ATP6V0E1: variants seen among roughly 807,000 people sequenced by gnomAD.
ATP6V0E1 encodes V-type proton ATPase subunit e 1.
In ATP6V0E1, 4 loss-of-function variants were observed where a neutral mutation model predicts 11.6. That is an observed-to-expected ratio of 0.35 (90% confidence interval 0.17 to 0.79). The LOEUF is 0.79. Among genes scored for constraint, ATP6V0E1 ranks in the 30% least tolerant of loss-of-function variants. The pLI, the probability that ATP6V0E1 is intolerant of heterozygous loss-of-function variation, is 0.54. For missense variants in ATP6V0E1, 105 were observed against 100.0 expected, an observed-to-expected ratio of 1.05 and a Z score of -0.21; for synonymous variants, 36 against 34.8, an observed-to-expected ratio of 1.04 and a Z score of -0.13.
rs551242572 is a variant in ATP6V0E1, at chr5:173,005,233, T to C, written c.152+10411T>C. 1.7e-4 allele frequency among the ~76,000 whole-genome samples: 26 copies of C among 152,336 alleles called. No individual in the cohort carries two copies. In the South Asian group the frequency reaches 3.7e-3, roughly 22 times the overall value. On this transcript the variant is annotated intron_variant, in intron 2 of 3. Transcript: ENST00000519374. ...TATCAATTTGAAGAGAACTGACATC[T>C]TAATGATGTTGAGTTTTCTAATCTC...
chr5:173,015,859 T>G lies in ATP6V0E1; in HGVS notation c.153-4379T>G, dbSNP rs113870056. The stretch of plus-strand genomic sequence containing the variant: ...CTCCTGCCTCACCCTCCCAAGTAGC[T>G]GGGACTACAGATGTGTGCCACCATG... On this transcript the variant is annotated intron_variant, in intron 2 of 3. Transcript: ENST00000519374. Among the ~76,000 whole-genome samples the G allele has an allele frequency of 8.7e-3, 1,319 of 152,294 alleles. 19 individuals carry two copies. Among genetic ancestry groups the G allele is most frequent in the African/African-American group, 0.03 (1,258 of 41,558 alleles).
intron 2 of ATP6V0E1, 82 bp downstream of exon 2, chr5:172,994,904 C>T (rs2113583759): frequency 4.6e-6 from 5 of 1,084,980 alleles, no homozygotes; most frequent in East Asian, 2.4e-5. Flanking sequence ...GAGCTCATCC[C>T]TCATGTAATA....
chr5:173,008,128 T>G (rs931703316), intron 2 of ATP6V0E1, among the ~76,000 whole-genome samples: 1 of 152,170 alleles, frequency 6.6e-6, no homozygotes, highest in African/African-American at 2.4e-5. Context: ...CTTAACAGCG[T>G]GCTCACTTTA....
chr5:172,985,167 C>T (rs1255052048), intron 1 of ATP6V0E1, among the ~76,000 whole-genome samples: 1 of 151,088 alleles, frequency 6.6e-6, no homozygotes, highest in African/African-American at 2.4e-5. Flanking sequence ...ATGGCGTGAA[C>T]CCAGGAGGCA....
chr5:173,028,266 ATC>A (rs1372461233), intron 3 of ATP6V0E1, among the ~76,000 whole-genome samples: 4 of 152,208 alleles, frequency 2.6e-5, no homozygotes, highest in Non-Finnish European at 4.4e-5. Flanking sequence ...AAGAGATCTA[ATC>A]TCTGCCTAGC....
At chr5:172,985,539 A>G (rs1432419393) in intron 1 of ATP6V0E1, among the ~76,000 whole-genome samples, 2 of 152,168 alleles carry the variant, frequency 1.3e-5, no homozygotes, top group Non-Finnish European at 2.9e-5. Context: ...TGTTTTTCCT[A>G]CTGGAGTTAG....
chr5:173,008,836 G>A (rs193089340), intron 2 of ATP6V0E1, among the ~76,000 whole-genome samples: 12,142 of 148,120 alleles, frequency 0.082, 639 homozygotes, highest in South Asian at 0.14. Context: ...GCATGAACCC[G>A]GGAGGCAGAG....
intron 2 of ATP6V0E1, among the ~76,000 whole-genome samples, chr5:173,010,042 G>A (rs1000468680): frequency 1.3e-5 from 2 of 152,168 alleles, no homozygotes; most frequent in South Asian, 2.1e-4. Flanking sequence ...AATTACAGGC[G>A]CGAGCCACCG....
At chr5:173,024,901 G>C (rs1756534076) in intron 3 of ATP6V0E1, among the ~76,000 whole-genome samples, 1 of 142,994 alleles carries the variant, frequency 7.0e-6, no homozygotes, top group Non-Finnish European at 1.5e-5. Context: ...GGAGTGCGGT[G>C]GCGTGATCTG....
At chr5:173,030,274 A>G (rs972377117) in intron 3 of ATP6V0E1, among the ~76,000 whole-genome samples, 4 of 152,166 alleles carry the variant, frequency 2.6e-5, no homozygotes, top group African/African-American at 9.7e-5. Context: ...ATAGCCTTAC[A>G]TATCATAGTA....
At chr5:173,025,196 G>A (rs1482328558) in intron 3 of ATP6V0E1, among the ~76,000 whole-genome samples, 1 of 148,806 alleles carries the variant, frequency 6.7e-6, no homozygotes, top group Non-Finnish European at 1.5e-5. Context: ...TGCCAAGGCT[G>A]GAGTGCAGTG....
chr5:173,012,274 C>T (rs1433722702), intron 2 of ATP6V0E1, among the ~76,000 whole-genome samples: 5 of 151,438 alleles, frequency 3.3e-5, no homozygotes, highest in East Asian at 1.9e-4. Context: ...TCAGGTGATC[C>T]GCCCGCCTTG....
chr5:172,989,940 A>AC (rs1318474391), intron 1 of ATP6V0E1, among the ~76,000 whole-genome samples: 10 of 152,050 alleles, frequency 6.6e-5, no homozygotes, highest in African/African-American at 2.4e-4. Flanking sequence ...GGCTCACACA[A>AC]TCCTTCTGCT....
At chr5:172,991,347 G>A (rs559961725) in intron 1 of ATP6V0E1, among the ~76,000 whole-genome samples, 5 of 152,292 alleles carry the variant, frequency 3.3e-5, no homozygotes, top group South Asian at 2.1e-4. Flanking sequence ...GAGCTGATAC[G>A]TTAATGAGGG....
At chr5:172,991,002 C>T (rs1282265758) in intron 1 of ATP6V0E1, among the ~76,000 whole-genome samples, 4 of 151,952 alleles carry the variant, frequency 2.6e-5, no homozygotes, top group Non-Finnish European at 4.4e-5. Context: ...GCCAAGGCCT[C>T]GAGTGCAGTA....
chr5:173,012,910 C>T (rs1756350741), intron 2 of ATP6V0E1, among the ~76,000 whole-genome samples: 1 of 152,112 alleles, frequency 6.6e-6, no homozygotes. Context: ...TAGTGGCTCA[C>T]ACCTGTAATC....
intron 1 of ATP6V0E1, among the ~76,000 whole-genome samples, chr5:172,984,566 C>T (rs1755852265): frequency 6.6e-6 from 1 of 152,100 alleles, no homozygotes; most frequent in Non-Finnish European, 1.5e-5. Context: ...GAGGGCGCTC[C>T]GGCTCTTGTA....
chr5:172,986,766 T>A (rs1755903209), intron 1 of ATP6V0E1: 2 of 432,436 alleles, frequency 4.6e-6, no homozygotes, highest in South Asian at 3.2e-5. Context: ...ATAAGGTTGG[T>A]TTTTTGTTGT....
intron 1 of ATP6V0E1, among the ~76,000 whole-genome samples, chr5:172,993,075 G>A (rs897451117): frequency 3.3e-5 from 5 of 152,126 alleles, no homozygotes; most frequent in Admixed American, 2.6e-4. Context: ...TGGGATCACA[G>A]GCGTGAGCCA....
Sources: allele counts gnomAD v4.1 joint callset (sites outside exome capture counted in the v4.1 genomes callset), GRCh38; gene constraint gnomAD v4.1.1; transcripts MANE v1.5; gene names NCBI Gene and HGNC (gene_info 2026-07-23, HGNC 2026-07-21).